CDON: variants seen among roughly 807,000 people sequenced by gnomAD.
CDON encodes the protein cell adhesion molecule-related/down-regulated by oncogenes.
Under a neutral mutation model 120.9 loss-of-function variants are expected in CDON, and 73 were observed. The observed-to-expected ratio is 0.60, with a 90% CI of 0.50 to 0.73. The LOEUF is 0.73. Ranked by LOEUF, CDON falls within the 30% of genes least tolerant of loss-of-function variation. The pLI is 0.00. For synonymous variants in CDON, 566 were observed against 573.5 expected (o/e 0.99, Z 0.19); for missense variants, 1,470 against 1,587.3 (o/e 0.93, Z 1.26).
chr11:126,011,217 C>T (rs896707630), intron 7 of CDON, among the ~76,000 whole-genome samples: 4 of 152,156 alleles, frequency 2.6e-5, no homozygotes, highest in Non-Finnish European at 4.4e-5. Flanking sequence ...TAGGCATGAA[C>T]AGAATTTTTG....
chr11:126,016,387 C>G (rs1191167314), intron 6 of CDON, among the ~76,000 whole-genome samples: 1 of 152,080 alleles, frequency 6.6e-6, no homozygotes, highest in Non-Finnish European at 1.5e-5. Flanking sequence ...TTGGTAAGAG[C>G]ACCCAAAAAA....
At chr11:126,040,616 C>A (rs746255853) in intron 1 of CDON, among the ~76,000 whole-genome samples, 1 of 150,668 alleles carries the variant, frequency 6.6e-6, no homozygotes, top group African/African-American at 2.4e-5. Flanking sequence ...GAGATCGAGA[C>A]CATCCTGGCT....
chr11:125,972,457 A>G (rs115407525), intron 18 of CDON, among the ~76,000 whole-genome samples: 5,569 of 152,066 alleles, frequency 0.037, 172 homozygotes, highest in African/African-American at 0.081. Flanking sequence ...AAAAGAAACT[A>G]AAAAGGATTC....
chr11:126,014,892 G>T lies in CDON; in HGVS notation c.1198+349C>A, dbSNP rs933986897. On this transcript the variant is annotated intron_variant, in intron 7 of 19. Coordinates refer to ENST00000531738, the MANE Select transcript of CDON (RefSeq NM_001378964.1). ...ATGTTGTGTGAAACCACTCATATGTGCACTACATACAAGGCTGCTCAAGAA... is the reference window on the plus strand; with the variant it reads ...ATGTTGTGTGAAACCACTCATATGTTCACTACATACAAGGCTGCTCAAGAA... 5 of 255,762 alleles carry T rather than the reference G, an allele frequency of 2.0e-5. No individual in the cohort carries two copies. The Admixed American group carries it at 2.5e-4, about 13-fold the overall frequency. 15.8% of individuals were successfully genotyped at this position (255,762 alleles called of 1,614,324 possible).
chr11:126,016,296 G>T (rs1053785750), intron 6 of CDON, among the ~76,000 whole-genome samples: 2 of 152,086 alleles, frequency 1.3e-5, no homozygotes, highest in African/African-American at 4.8e-5. Context: ...GTAGGTAGCT[G>T]GTTAGAAACA....
chr11:125,961,858 G>T lies in CDON; in HGVS notation c.3497C>A (p.Pro1166His). The T allele has an allele frequency of 6.2e-7, 1 of 1,614,210 alleles. No homozygotes were observed. Among genetic ancestry groups the T allele is most frequent in the Non-Finnish European group, 8.5e-7 (1 of 1,180,034 alleles). Residue 1166 changes from proline to histidine, a missense_variant, in exon 19 of 20, where the codon CCT becomes CAT. Physicochemically the swap from Pro to His is moderately conservative, Grantham distance 77. Transcript: ENST00000531738. ...CTCCTCCGGCAACTGGCCACAATCA[G>T]GGACTGCGGAAGTCAGGCATACAGG... is the stretch of plus-strand genomic sequence containing the variant. ...KVPVCLTSAV[P>H]DCGQLPEESV...
chr11:126,000,190 T>C (rs914339469), intron 11 of CDON, among the ~76,000 whole-genome samples: 4 of 150,362 alleles, frequency 2.7e-5, no homozygotes, highest in Admixed American at 2.0e-4. Context: ...TAGGTATTTA[T>C]ATCATCCACT....
intron 7 of CDON, among the ~76,000 whole-genome samples, chr11:126,011,441 A>G (rs1947299915): frequency 6.6e-6 from 1 of 152,242 alleles, no homozygotes; most frequent in Non-Finnish European, 1.5e-5. Flanking sequence ...TGAGTGTAAA[A>G]TGCTATCTCA....
chr11:126,026,376 T>C (rs1240697494), intron 1 of CDON, among the ~76,000 whole-genome samples: 2 of 152,226 alleles, frequency 1.3e-5, no homozygotes, highest in Non-Finnish European at 2.9e-5. Flanking sequence ...CCTACGACTA[T>C]AGAATACAAC....
chr11:126,017,513 G>T, intron 5 of CDON, 138 bp from the exon 6 acceptor site: 1 of 838,348 alleles, frequency 1.2e-6, no homozygotes, highest in Non-Finnish European at 1.9e-6. Context: ...ATCCTTTTTA[G>T]TTGAGGATTA....
At position 125,964,602 on chromosome 11, in the gene CDON, C is replaced by A. The variant is rs192538665; in HGVS notation, c.3357-2604G>T. Among the ~76,000 whole-genome samples, 55 of 142,860 alleles carry A rather than the reference C, an allele frequency of 3.8e-4. No homozygotes were observed. The East Asian group carries it at 8.7e-3, about 23-fold the overall frequency. 93.7% of individuals were successfully genotyped at this position (142,860 alleles called of 152,430 possible). Reference sequence around the variant, plus strand: ...CCAGCTCCCAGTCTAGCAAAGGAGACAGACCAAAAAAAAAAAAGGTTACAA... The same window carrying A: ...CCAGCTCCCAGTCTAGCAAAGGAGAAAGACCAAAAAAAAAAAAGGTTACAA... On this transcript the variant is annotated intron_variant, in intron 18 of 19. Coordinates refer to ENST00000531738, the MANE Select transcript of CDON (RefSeq NM_001378964.1).
At chr11:126,050,188 T>C (rs530086402) in intron 1 of CDON, among the ~76,000 whole-genome samples, 7 of 150,984 alleles carry the variant, frequency 4.6e-5, no homozygotes, top group East Asian at 3.9e-4. Flanking sequence ...AATGCAGAGC[T>C]TGTGGTTTAG....
At chr11:126,008,897 TTAA>T (rs1313824290) in intron 8 of CDON, among the ~76,000 whole-genome samples, 4 of 152,216 alleles carry the variant, frequency 2.6e-5, no homozygotes, top group African/African-American at 4.8e-5. Flanking sequence ...TCACTGTAAT[TTAA>T]TAATAATTAG....
At position 126,029,756 on chromosome 11, in the gene CDON, C is replaced by G. The variant is rs186635429; in HGVS notation, c.-61-6219G>C. 2.6e-5 allele frequency among the ~76,000 whole-genome samples: 4 copies of G among 152,190 alleles called. No individual in the cohort carries two copies. In the East Asian group the frequency reaches 7.7e-4, roughly 29 times the overall value. On this transcript the variant is annotated intron_variant, in intron 1 of 19. Coordinates refer to ENST00000531738, the MANE Select transcript of CDON (RefSeq NM_001378964.1). ...CCCATCTTCATATAAAGCTAGTGGC[C>G]AACACAATTCCATTCTTTTCACCGA... is the stretch of plus-strand genomic sequence containing the variant.
At chr11:125,983,850 G>T in intron 16 of CDON, 22 bp downstream of exon 16, 1 of 1,536,664 alleles carries the variant, frequency 6.5e-7, no homozygotes, top group South Asian at 1.1e-5. Context: ...AAAAGAGAAG[G>T]AGATATTTAT....
chr11:126,015,146 A>G, intron 7 of CDON, 95 bp downstream of exon 7: 1 of 1,242,208 alleles, frequency 8.1e-7, no homozygotes, highest in East Asian at 2.4e-5. Context: ...TGCTAGGGTT[A>G]TTTTCTTTTA....
chr11:126,057,305 A>G (rs1948704153), intron 1 of CDON, among the ~76,000 whole-genome samples: 1 of 152,212 alleles, frequency 6.6e-6, no homozygotes, highest in Admixed American at 6.5e-5. Flanking sequence ...TTCAAACCGC[A>G]CAAAAGACTC....
intron 18 of CDON, among the ~76,000 whole-genome samples, chr11:125,973,008 A>C (rs1946045953): frequency 1.0e-5 from 1 of 98,086 alleles, no homozygotes; most frequent in African/African-American, 3.3e-5. Flanking sequence ...TCTTCAACCA[A>C]TTACTTGGTC....
At chr11:126,037,708 C>A (rs1312062495) in intron 1 of CDON, among the ~76,000 whole-genome samples, 2 of 152,038 alleles carry the variant, frequency 1.3e-5, no homozygotes, top group Non-Finnish European at 2.9e-5. Flanking sequence ...TTTTCTAAAA[C>A]AATATATTTA....
Sources: gnomAD v4.1 joint callset for allele counts (sites outside exome capture counted in the v4.1 genomes callset) on GRCh38, gnomAD v4.1.1 for gene constraint, MANE v1.5 for transcripts, NCBI Gene and HGNC (gene_info 2026-07-23, HGNC 2026-07-21) for gene names.